DCAF8: variants seen among roughly 807,000 people sequenced by gnomAD.
DCAF8 encodes DDB1- and CUL4-associated factor 8.
In DCAF8, 20 loss-of-function variants were observed where a neutral mutation model predicts 68.0. That is an observed-to-expected ratio of 0.29 (90% CI 0.21 to 0.43). The LOEUF (loss-of-function observed/expected upper bound fraction) is 0.43. Ranked by LOEUF, DCAF8 falls within the 20% of genes least tolerant of loss-of-function variation. DCAF8 has a pLI of 1.00. For missense variants in DCAF8, 460 were observed against 771.0 expected (o/e 0.60, Z 4.78); for synonymous variants, 230 against 276.9 (o/e 0.83, Z 1.68).
chr1:160,224,647 C>A, intron 9 of DCAF8, 98 bp from the exon 10 acceptor site: 2 of 858,514 alleles, frequency 2.3e-6, no homozygotes, highest in East Asian at 2.4e-5. Context: ...GTAGTGCCCC[C>A]TCCAAATACC....
intron 6 of DCAF8, among the ~76,000 whole-genome samples, chr1:160,233,834 T>C (rs936807160): frequency 6.6e-6 from 1 of 152,132 alleles, no homozygotes; most frequent in Non-Finnish European, 1.5e-5. Context: ...GCAGAGTACC[T>C]TGAACTCTGC....
In DCAF8 at chr1:160,218,836, G is replaced by A. The variant is rs570679187; in HGVS notation, c.1560+13C>T. On this transcript the variant is annotated intron_variant, in intron 12 of 13. Transcript: ENST00000368074. Reference sequence around the variant, plus strand: ...AAGCAGAAAGAAAATAACTTCTGCAGTCAGCCACTTACATCTTTTAACCCT... The same window carrying A: ...AAGCAGAAAGAAAATAACTTCTGCAATCAGCCACTTACATCTTTTAACCCT... 4 of 1,613,958 alleles carry A rather than the reference G, an allele frequency of 2.5e-6. No homozygotes were observed. In the African/African-American group the frequency reaches 4.0e-5, roughly 16 times the overall value.
intron 3 of DCAF8, among the ~76,000 whole-genome samples, chr1:160,241,081 G>C (rs1049110944): frequency 1.3e-5 from 2 of 152,184 alleles, no homozygotes; most frequent in African/African-American, 4.8e-5. Context: ...GAACCCAGGA[G>C]GCAGAGCTTG....
Position 160,226,552 on chromosome 1 carries a change from A to G in DCAF8, c.1071-889T>C, listed in dbSNP as rs12091372. Among the ~76,000 whole-genome samples, 1,408 of 152,310 alleles carry G rather than the reference A, an allele frequency of 9.2e-3. 25 individuals carry two copies. The highest frequency in any genetic ancestry group is 0.031 in the African/African-American group (1,278 of 41,560). Reference sequence around the variant, plus strand: ...CCCAGTCTCCTCCAATCTCAGAGCCAATCTCTTGAAAAATGCTTTTCATTT... The same window carrying G: ...CCCAGTCTCCTCCAATCTCAGAGCCGATCTCTTGAAAAATGCTTTTCATTT... On this transcript the variant is annotated intron_variant, in intron 7 of 13. Coordinates refer to ENST00000368074, the MANE Select transcript of DCAF8 (RefSeq NM_015726.4).
At chr1:160,249,351 G>A (rs1369558880) in intron 2 of DCAF8, among the ~76,000 whole-genome samples, 3 of 152,118 alleles carry the variant, frequency 2.0e-5, no homozygotes, top group African/African-American at 7.2e-5. Context: ...ACTTTATTAA[G>A]TACTAACAAG....
intron 6 of DCAF8, 51 bp from the exon 7 acceptor site, chr1:160,231,458 G>T: frequency 7.1e-7 from 1 of 1,402,150 alleles, no homozygotes; most frequent in Non-Finnish European, 1.0e-6. Flanking sequence ...AGATCCAAAT[G>T]GTCATGGCAA....
At chr1:160,226,932 A>T (rs10732269) in intron 7 of DCAF8, among the ~76,000 whole-genome samples, 98,784 of 152,010 alleles carry the variant, frequency 0.65, 33,555 homozygotes, top group African/African-American at 0.86. Flanking sequence ...TATCCGTGTG[A>T]AAGGTGGTAG....
At chr1:160,237,030 C>T in intron 6 of DCAF8, 105 bp downstream of exon 6, 1 of 743,578 alleles carries the variant, frequency 1.3e-6, no homozygotes, top group Non-Finnish European at 2.1e-6. Context: ...ACCATAGGCA[C>T]AAAGGTACTA....
intron 2 of DCAF8, among the ~76,000 whole-genome samples, chr1:160,245,895 T>G (rs1270208373): frequency 6.6e-6 from 1 of 152,134 alleles, no homozygotes; most frequent in South Asian, 2.1e-4. Flanking sequence ...TCCCAGCACT[T>G]TGGGAGGCCG....
chr1:160,258,603 A>AAAAC (rs912539787), intron 2 of DCAF8, among the ~76,000 whole-genome samples: 8 of 151,940 alleles, frequency 5.3e-5, no homozygotes, highest in Admixed American at 4.6e-4. Flanking sequence ...TCTCTTTAAA[A>AAAAC]AAACAAACAA....
intron 2 of DCAF8, among the ~76,000 whole-genome samples, chr1:160,259,253 G>T (rs780225645): frequency 1.3e-5 from 2 of 152,256 alleles, no homozygotes; most frequent in Non-Finnish European, 2.9e-5. Context: ...AGAACTCTTT[G>T]GCCGGGCATG....
At chr1:160,248,438 T>A (rs927038075) in intron 2 of DCAF8, among the ~76,000 whole-genome samples, 1 of 152,004 alleles carries the variant, frequency 6.6e-6, no homozygotes, top group Non-Finnish European at 1.5e-5. Flanking sequence ...CCTTTAAAAC[T>A]GTCGCAACAG....
At chr1:160,238,413 T>TATGAA (rs1655966998) in intron 5 of DCAF8, among the ~76,000 whole-genome samples, 194 bp downstream of exon 5, 1 of 152,228 alleles carries the variant, frequency 6.6e-6, no homozygotes, top group African/African-American at 2.4e-5. Context: ...TCTAGGGACT[T>TATGAA]TTCAGATACT....
Position 160,216,844 on chromosome 1 carries a change from A to G in DCAF8, c.*748T>C, listed in dbSNP as rs544135623. 6.6e-6 allele frequency: 1 copy of G among 152,650 alleles called. No homozygotes were observed. The highest frequency in any genetic ancestry group is 1.5e-5 in the Non-Finnish European group (1 of 68,044). The allele number at this position is 152,650 out of a possible 1,614,324, so 9.5% of individuals were successfully genotyped here. ...CCAAACAATGTTTCTTAAAAAAATA[A>G]CAGAAGAGGTAATATCCTTCCTATT... On this transcript the variant is annotated 3_prime_UTR_variant, in exon 14 of 14. Coordinates refer to ENST00000368074, the MANE Select transcript of DCAF8 (RefSeq NM_015726.4).
At position 160,258,419 on chromosome 1, in the gene DCAF8, T is replaced by TCTAA. The variant is rs542553523; in HGVS notation, c.-27+2862_-27+2865dup. On this transcript the variant is annotated intron_variant, in intron 2 of 13. Coordinates refer to ENST00000368074, the MANE Select transcript of DCAF8 (RefSeq NM_015726.4). ...GTCACAAGCATTCTTAGCCTCCCAC[T>TCTAA]CTAATCATCCTAGGAAATACTACCT... Among the ~76,000 whole-genome samples the TCTAA allele has an allele frequency of 2.5e-3, 381 of 152,214 alleles. 2 individuals are homozygous for TCTAA. Among genetic ancestry groups the TCTAA allele is most frequent in the Non-Finnish European group, 4.6e-3 (314 of 68,018 alleles).
rs997573118 is a variant in DCAF8, at chr1:160,217,331, A to G, written c.*261T>C. On this transcript the variant is annotated 3_prime_UTR_variant, in exon 14 of 14. Coordinates refer to ENST00000368074, the MANE Select transcript of DCAF8 (RefSeq NM_015726.4). The stretch of plus-strand genomic sequence containing the variant: ...AAAATAGGCTTCCCTCTCCTCTCAA[A>G]AAGAGGCTTTGGGGAGAGGCCATTT... 2.4e-5 allele frequency: 9 copies of G among 375,480 alleles called. No homozygotes were observed. The highest frequency in any genetic ancestry group is 3.8e-5 in the Non-Finnish European group (8 of 211,646). The allele number at this position is 375,480 out of a possible 1,614,324, so 23.3% of individuals were successfully genotyped here.
chr1:160,253,849 GAAGGT>G (rs1162832470), intron 2 of DCAF8, among the ~76,000 whole-genome samples: 1 of 151,400 alleles, frequency 6.6e-6, no homozygotes, highest in East Asian at 1.9e-4. Flanking sequence ...AAAAAACCAA[GAAGGT>G]AAGGAGGATA....
rs552934736 is a variant in DCAF8 at position 160,236,286 on chromosome 1, G to A, written c.959+849C>T. ...CAAACACACACACACATACATACAC[G>A]TACGTATATATATACATACATATAT... On this transcript the variant is annotated intron_variant, in intron 6 of 13. Transcript: ENST00000368074. Among the ~76,000 whole-genome samples, 21 of 132,448 alleles carry A rather than the reference G, an allele frequency of 1.6e-4. No homozygotes were observed. In the South Asian group the frequency reaches 3.7e-3, roughly 23 times the overall value. The allele number at this position is 132,448 out of a possible 152,430, so 86.9% of individuals were successfully genotyped here.
chr1:160,261,164 G>C (rs1657074104), intron 2 of DCAF8, 121 bp downstream of exon 2: 1 of 152,238 alleles, frequency 6.6e-6, no homozygotes, highest in South Asian at 2.1e-4. Context: ...ACAAAGCCAA[G>C]AACAACACTC....
Sources: allele counts gnomAD v4.1 joint callset (sites outside exome capture counted in the v4.1 genomes callset), GRCh38; gene constraint gnomAD v4.1.1; transcripts MANE v1.5; gene names NCBI Gene and HGNC (gene_info 2026-07-23, HGNC 2026-07-21).